Variants in HSPH1 observed in about 807,000 individuals in gnomAD.
The protein encoded by HSPH1 is heat shock protein family H (Hsp110) member 1, also known as heat shock protein 105 kDa.
In HSPH1, 40 loss-of-function variants were observed where a neutral mutation model predicts 100.0. That is an observed-to-expected ratio of 0.40 (90% CI 0.31 to 0.52). HSPH1 has a LOEUF of 0.52. Among genes scored for constraint, HSPH1 ranks in the 20% least tolerant of loss-of-function variants. The pLI is 0.54. For missense variants in HSPH1, 876 were observed against 1,015.1 expected (o/e 0.86, Z 1.86); for synonymous variants, 403 against 344.0 (o/e 1.17, Z -1.90).
At chr13:31,156,541 G>T (rs1250785638) in intron 2 of HSPH1, among the ~76,000 whole-genome samples, 1 of 148,918 alleles carries the variant, frequency 6.7e-6, no homozygotes, top group African/African-American at 2.5e-5. Flanking sequence ...TCTAGCTTGG[G>T]TAACAAGGGT....
rs935701716 is a variant in HSPH1, at chr13:31,161,745, T to A, written c.-163A>T. Reference sequence around the variant, plus strand: ...GAAGGACACACAGACAGCCGCGGCCTGTCAGGAGCCTCCTACTCCCCCGGG... The same window carrying A: ...GAAGGACACACAGACAGCCGCGGCCAGTCAGGAGCCTCCTACTCCCCCGGG... On this transcript the variant is annotated 5_prime_UTR_variant, in exon 1 of 18. Coordinates refer to ENST00000320027, the MANE Select transcript of HSPH1 (RefSeq NM_006644.4). The A allele has an allele frequency of 4.6e-6, 7 of 1,530,680 alleles. No individual in the cohort carries two copies. The African/African-American group carries it at 6.9e-5, about 15-fold the overall frequency. The allele number at this position is 1,530,680 out of a possible 1,614,324, so 94.8% of individuals were successfully genotyped here. A position where few individuals can be genotyped will look rare whatever the true frequency, so the allele number is the denominator to read the frequency against.
Position 31,137,242 on chromosome 13 carries a change from T to G in HSPH1, c.*76A>C. 1 of 851,746 alleles carries G rather than the reference T, an allele frequency of 1.2e-6. No individual in the cohort carries two copies. Among genetic ancestry groups the G allele is most frequent in the East Asian group, 2.4e-5 (1 of 40,976 alleles). The allele number at this position is 851,746 out of a possible 1,614,324, so 52.8% of individuals were successfully genotyped here. A position where few individuals can be genotyped will look rare whatever the true frequency, so the allele number is the denominator to read the frequency against. On this transcript the variant is annotated 3_prime_UTR_variant, in exon 18 of 18. Coordinates refer to ENST00000320027, the MANE Select transcript of HSPH1 (RefSeq NM_006644.4). ...CTTAAAAAAGAAAATATAAATAGTT[T>G]CAGTATGTTATGTAGAGTCACATAC...
In HSPH1 at chr13:31,161,762, T is replaced by G; in HGVS notation, c.-180A>C. The G allele has an allele frequency of 2.0e-6, 3 of 1,518,846 alleles. No individual in the cohort carries two copies. The South Asian group carries it at 3.6e-5, about 18-fold the overall frequency. The allele number at this position is 1,518,846 out of a possible 1,614,324, so 94.1% of individuals were successfully genotyped here. On this transcript the variant is annotated 5_prime_UTR_variant, in exon 1 of 18. Coordinates refer to ENST00000320027, the MANE Select transcript of HSPH1 (RefSeq NM_006644.4). Reference sequence around the variant, plus strand: ...CCGCGGCCTGTCAGGAGCCTCCTACTCCCCCGGGGACAGCGGCGGCTGGCT... The same window carrying G: ...CCGCGGCCTGTCAGGAGCCTCCTACGCCCCCGGGGACAGCGGCGGCTGGCT...
intron 1 of HSPH1, among the ~76,000 whole-genome samples, 154 bp from the exon 2 acceptor site, chr13:31,159,017 A>G (rs1035830977): frequency 2.6e-5 from 4 of 152,224 alleles, no homozygotes; most frequent in African/African-American, 4.8e-5. Context: ...CAGATACTCA[A>G]AGGGGGCTTC....
upstream of HSPH1, chr13:31,161,969 G>A (rs779336418): frequency 5.7e-5 from 88 of 1,535,958 alleles, no homozygotes; most frequent in Non-Finnish European, 7.6e-5. Context: ...CAGAATCTGC[G>A]GCATTTACTC....
intron 1 of HSPH1, among the ~76,000 whole-genome samples, chr13:31,160,352 T>A (rs1330231648): frequency 6.6e-6 from 1 of 152,206 alleles, no homozygotes; most frequent in Non-Finnish European, 1.5e-5. Flanking sequence ...CATTGCCAAA[T>A]ATTTTGCCTC....
At chr13:31,161,981 C>G (rs568930034), upstream of HSPH1, 272 of 1,536,052 alleles carry the variant, frequency 1.8e-4, 2 homozygotes, top group Middle Eastern at 2.3e-3. Flanking sequence ...CATTTACTCA[C>G]CGGCGCCTCC....
At chr13:31,157,130 A>C (rs533838484) in intron 2 of HSPH1, among the ~76,000 whole-genome samples, 1 of 152,382 alleles carries the variant, frequency 6.6e-6, no homozygotes, top group South Asian at 2.1e-4. Flanking sequence ...GAATTCAAGC[A>C]AGTTTAGGTC....
rs1955901944 is a variant in HSPH1 at position 31,137,025 on chromosome 13, T to C, written c.*293A>G. 1 of 514,874 alleles carries C rather than the reference T, an allele frequency of 1.9e-6. No individual in the cohort carries two copies. Among genetic ancestry groups the C allele is most frequent in the Non-Finnish European group, 3.7e-6 (1 of 269,214 alleles). 31.9% of individuals were successfully genotyped at this position (514,874 alleles called of 1,614,324 possible). ...TCTTGAACAAGCAGTACAGTTTTTTTTCTCCAAAAGACAAAAGTCAGTTTC... is the reference window on the plus strand; with the variant it reads ...TCTTGAACAAGCAGTACAGTTTTTTCTCTCCAAAAGACAAAAGTCAGTTTC... On this transcript the variant is annotated 3_prime_UTR_variant, in exon 18 of 18. Transcript: ENST00000320027.
At chr13:31,158,278 C>T (rs1380090101) in intron 2 of HSPH1, among the ~76,000 whole-genome samples, 1 of 152,092 alleles carries the variant, frequency 6.6e-6, no homozygotes, top group East Asian at 1.9e-4. Context: ...GCAGGCCAGG[C>T]GTAGGCTCAC....
chr13:31,162,315 C>T, upstream of HSPH1: 1 of 589,648 alleles, frequency 1.7e-6, no homozygotes, highest in Non-Finnish European at 3.0e-6. Flanking sequence ...AGACCCCAGA[C>T]ACCGGGATGG....
rs755358815 is a variant in HSPH1, at chr13:31,151,568, T to G, written c.663+41A>C. The G allele has an allele frequency of 3.8e-6, 6 of 1,574,524 alleles. No homozygotes were observed. In the Admixed American group the frequency reaches 9.5e-5, roughly 25 times the overall value. ...GCTCAGTAGCTTAAAGTCACAACAC[T>G]TAACGTGTTTTGGACACTGAGTTCC... On this transcript the variant is annotated intron_variant, in intron 6 of 17. Transcript: ENST00000320027.
intron 17 of HSPH1, 80 bp from the exon 18 acceptor site, chr13:31,137,604 CCACT>C (rs1158177262): frequency 3.0e-6 from 3 of 1,004,340 alleles, no homozygotes; most frequent in African/African-American, 3.3e-5. Context: ...CATACTCAAC[CCACT>C]ATTTTTCTAC....
chr13:31,154,968 A>G lies in HSPH1; in HGVS notation c.307-213T>C, dbSNP rs563871924. Among the ~76,000 whole-genome samples the G allele has an allele frequency of 5.9e-5, 9 of 152,326 alleles. No individual in the cohort carries two copies. The South Asian group carries it at 1.9e-3, about 32-fold the overall frequency. On this transcript the variant is annotated intron_variant, in intron 3 of 17. Coordinates refer to ENST00000320027, the MANE Select transcript of HSPH1 (RefSeq NM_006644.4). Reference sequence around the variant, plus strand: ...AAGAGAAAAAAAGAAAAAGGAAGAAAGAACTTCTACCTAAAGATGAAGAGG... The same window carrying G: ...AAGAGAAAAAAAGAAAAAGGAAGAAGGAACTTCTACCTAAAGATGAAGAGG...
chr13:31,154,566 T>C (rs2274019), intron 4 of HSPH1, 67 bp downstream of exon 4: 400,432 of 1,569,778 alleles, frequency 0.26, 54,367 homozygotes, highest in East Asian at 0.46. Context: ...CCACATTTCA[T>C]ACTTAAAAGT....
intron 4 of HSPH1, among the ~76,000 whole-genome samples, chr13:31,153,295 G>C (rs939690706): frequency 1.3e-5 from 2 of 152,148 alleles, no homozygotes; most frequent in Admixed American, 1.3e-4. Flanking sequence ...CAAACTAGTT[G>C]TAAGTTTCTA....
At chr13:31,156,711 G>A (rs1283153401) in intron 2 of HSPH1, among the ~76,000 whole-genome samples, 1 of 152,238 alleles carries the variant, frequency 6.6e-6, no homozygotes, top group East Asian at 1.9e-4. Flanking sequence ...AAAGTAGAAG[G>A]CAGAAGAGTA....
chr13:31,142,949 T>C (rs1956148905), intron 12 of HSPH1, among the ~76,000 whole-genome samples: 2 of 152,064 alleles, frequency 1.3e-5, no homozygotes, highest in South Asian at 4.1e-4. Flanking sequence ...TAGCTCACAT[T>C]GGGAGCCCCC....
At chr13:31,162,213 C>T (rs747271409), upstream of HSPH1, 6 of 906,156 alleles carry the variant, frequency 6.6e-6, no homozygotes, top group Admixed American at 2.2e-5. Flanking sequence ...CTCCAAAACT[C>T]GGAATAGTCA....
Sources: allele counts gnomAD v4.1 joint callset (sites outside exome capture counted in the v4.1 genomes callset), GRCh38; gene constraint gnomAD v4.1.1; transcripts MANE v1.5; gene names NCBI Gene and HGNC (gene_info 2026-07-23, HGNC 2026-07-21).